The following MAEL variants were observed in gnomAD, a reference collection of about 807,000 sequenced individuals.
MAEL encodes protein maelstrom homolog.
A neutral mutation model predicts 62.0 loss-of-function variants in MAEL; 46 were observed. That is an observed-to-expected ratio of 0.74 (90% CI 0.59 to 0.95). The LOEUF (loss-of-function observed/expected upper bound fraction) is 0.95. Ranked by LOEUF, MAEL falls within the 40% of genes least tolerant of loss-of-function variation. The probability of loss-of-function intolerance (pLI) is 0.00; values close to 1 mark genes in which losing one functional copy is unlikely to be tolerated. For missense variants in MAEL, 497 were observed against 526.8 expected (o/e 0.94, Z 0.55); for synonymous variants, 172 against 175.5 (o/e 0.98, Z 0.16).
At chr1:166,979,597 G>T (rs1663698158) in intron 1 of MAEL, among the ~76,000 whole-genome samples, 1 of 152,222 alleles carries the variant, frequency 6.6e-6, no homozygotes, top group Non-Finnish European at 1.5e-5. Flanking sequence ...GAACTGGCAA[G>T]AACAGTGGAC....
chr1:166,979,640 G>A (rs1663699918), intron 1 of MAEL, among the ~76,000 whole-genome samples: 1 of 151,466 alleles, frequency 6.6e-6, no homozygotes, highest in African/African-American at 2.5e-5. Context: ...AATTTAAAAA[G>A]GTAAAAGCCT....
At chr1:167,014,695 T>C (rs1261949496) in intron 8 of MAEL, among the ~76,000 whole-genome samples, 1 of 152,130 alleles carries the variant, frequency 6.6e-6, no homozygotes, top group Non-Finnish European at 1.5e-5. Flanking sequence ...GGGGGGACCT[T>C]TCCAATAAAA....
chr1:167,005,022 G>C, intron 6 of MAEL, 54 bp from the exon 7 acceptor site: 1 of 1,545,532 alleles, frequency 6.5e-7, no homozygotes, highest in Non-Finnish European at 8.8e-7. Context: ...ATTCAAAGTA[G>C]GAGAAGATAC....
intron 5 of MAEL, among the ~76,000 whole-genome samples, chr1:166,999,123 T>TC (rs1664553920): frequency 6.6e-6 from 1 of 151,952 alleles, no homozygotes; most frequent in Non-Finnish European, 1.5e-5. Context: ...CTCTCAGTGT[T>TC]CAAGTGAAAG....
intron 8 of MAEL, among the ~76,000 whole-genome samples, chr1:167,011,359 GTTC>G (rs1290199504): frequency 6.6e-6 from 1 of 152,080 alleles, no homozygotes; most frequent in Non-Finnish European, 1.5e-5. Flanking sequence ...TGTTGTTGTT[GTTC>G]TTGTTAATCT....
At chr1:167,005,025 G>A (rs1203949242) in intron 6 of MAEL, 51 bp from the exon 7 acceptor site, 1 of 1,558,760 alleles carries the variant, frequency 6.4e-7, no homozygotes, top group Admixed American at 1.8e-5. Flanking sequence ...CAAAGTAGGA[G>A]AAGATACAAG....
chr1:167,008,371 A>G (rs1238604745), intron 8 of MAEL, among the ~76,000 whole-genome samples: 1 of 152,082 alleles, frequency 6.6e-6, no homozygotes, highest in Non-Finnish European at 1.5e-5. Flanking sequence ...TTTCTAGAAA[A>G]TGATACATGT....
At chr1:166,981,941 G>A (rs1361114293) in intron 1 of MAEL, among the ~76,000 whole-genome samples, 1 of 152,200 alleles carries the variant, frequency 6.6e-6, no homozygotes, top group South Asian at 2.1e-4. Context: ...GCCACAGGGT[G>A]TAGGATGAAT....
At chr1:166,980,321 C>A (rs556626487) in intron 1 of MAEL, among the ~76,000 whole-genome samples, 1 of 152,194 alleles carries the variant, frequency 6.6e-6, no homozygotes, top group East Asian at 1.9e-4. Context: ...CCACTGTGCC[C>A]AGCCTATAAT....
intron 8 of MAEL, chr1:167,012,345 C>G (rs969696437): frequency 1.3e-5 from 2 of 152,070 alleles, no homozygotes; most frequent in African/African-American, 2.4e-5. Context: ...ATTTTGGAGG[C>G]TAGAATATTT....
intron 8 of MAEL, among the ~76,000 whole-genome samples, chr1:167,010,952 G>C (rs556393137): frequency 6.6e-6 from 1 of 151,988 alleles, no homozygotes; most frequent in South Asian, 2.1e-4. Context: ...GAGTGTGGTT[G>C]TAGGTTCTTA....
intron 6 of MAEL, 149 bp from the exon 7 acceptor site, chr1:167,004,927 A>T (rs1458979453): frequency 3.1e-6 from 2 of 639,714 alleles, no homozygotes; most frequent in Non-Finnish European, 5.4e-6. Flanking sequence ...TATAGTTTTC[A>T]TTTCATTGGC....
chr1:167,007,452 G>T (rs911655013), intron 8 of MAEL, among the ~76,000 whole-genome samples: 23 of 152,194 alleles, frequency 1.5e-4, no homozygotes, highest in African/African-American at 5.3e-4. Flanking sequence ...TCTTTTAGTG[G>T]AGCATAACAG....
chr1:166,980,991 G>A (rs1347231661), intron 1 of MAEL, among the ~76,000 whole-genome samples: 2 of 152,178 alleles, frequency 1.3e-5, no homozygotes, highest in African/African-American at 4.8e-5. Context: ...AGAGGGAAAT[G>A]AGCCAGAACA....
upstream of MAEL, chr1:166,989,089 T>G (rs994643137): frequency 2.2e-6 from 1 of 462,616 alleles, no homozygotes; most frequent in Admixed American, 3.4e-5. Context: ...TGCCTCCGCC[T>G]GCCACGCACC....
At chr1:166,975,867 G>A (rs1160253721) in intron 1 of MAEL, among the ~76,000 whole-genome samples, 1 of 152,104 alleles carries the variant, frequency 6.6e-6, no homozygotes, top group Non-Finnish European at 1.5e-5. Context: ...TCTGCGGGCA[G>A]CCACAGCCAA....
Position 167,021,985 on chromosome 1 carries a change from GT to G in MAEL, c.*133del. ...AAACTACTTAATTTGTAAGGAAATT[GT>G]TTCATAGATTTAAAAAAATTGTGGT... On this transcript the variant is annotated 3_prime_UTR_variant, in exon 12 of 12. Transcript: ENST00000367872. 1.6e-6 allele frequency: 1 copy of G among 638,166 alleles called. No individual in the cohort carries two copies. Among genetic ancestry groups the G allele is most frequent in the Non-Finnish European group, 2.5e-6 (1 of 398,664 alleles). 39.5% of individuals were successfully genotyped at this position (638,166 alleles called of 1,614,324 possible).
At chr1:167,007,131 T>TA (rs554696348) in intron 8 of MAEL, among the ~76,000 whole-genome samples, 3,388 of 143,558 alleles carry the variant, frequency 0.024, 43 homozygotes, top group African/African-American at 0.031. Flanking sequence ...CATTCCACTG[T>TA]AAAAAAAAAA....
At position 167,004,444 on chromosome 1, in the gene MAEL, T is replaced by C. The variant is rs150885102; in HGVS notation, c.648+140T>C. The C allele has an allele frequency of 4.0e-5, 30 of 744,968 alleles. No homozygotes were observed. The Admixed American group carries it at 1.0e-3, about 26-fold the overall frequency. The allele number at this position is 744,968 out of a possible 1,614,324, so 46.1% of individuals were successfully genotyped here. A position where few individuals can be genotyped will look rare whatever the true frequency, so the allele number is the denominator to read the frequency against. On this transcript the variant is annotated intron_variant, in intron 6 of 11. Coordinates refer to ENST00000367872, the MANE Select transcript of MAEL (RefSeq NM_032858.3). ...CACTCATTTTGAATTGTTTTGAATG[T>C]AATTAGGTATAGTGCCTATTTTAAA...
Sources: gnomAD v4.1 joint callset for allele counts (sites outside exome capture counted in the v4.1 genomes callset) on GRCh38, gnomAD v4.1.1 for gene constraint, MANE v1.5 for transcripts, NCBI Gene and HGNC (gene_info 2026-07-23, HGNC 2026-07-21) for gene names.